The following CMBL variants were observed in gnomAD, a reference collection of about 807,000 sequenced individuals.
CMBL encodes the protein carboxymethylenebutenolidase homolog.
Under a neutral mutation model 28.7 loss-of-function variants are expected in CMBL, and 17 were observed. The observed-to-expected ratio is 0.59, with a 90% CI of 0.41 to 0.89. CMBL has a LOEUF of 0.89. CMBL is among the 40% of genes least tolerant of loss of function. CMBL has a pLI of 0.00. For missense variants in CMBL, 310 were observed against 298.5 expected, an observed-to-expected ratio of 1.04 and a Z score of -0.28; for synonymous variants, 106 against 101.6, an observed-to-expected ratio of 1.04 and a Z score of -0.26.
At chr5:10,286,971 C>CA (rs1412818120) in intron 3 of CMBL, among the ~76,000 whole-genome samples, 5 of 152,190 alleles carry the variant, frequency 3.3e-5, no homozygotes, top group Middle Eastern at 3.2e-3. Flanking sequence ...TCTGACTTCA[C>CA]ACGTTCACTC....
intron 1 of CMBL, among the ~76,000 whole-genome samples, chr5:10,306,113 C>T (rs1215059441): frequency 6.6e-6 from 1 of 152,160 alleles, no homozygotes; most frequent in African/African-American, 2.4e-5. Flanking sequence ...ATCAAACATT[C>T]CCTTTCTAAC....
At chr5:10,299,294 G>T (rs756107789) in intron 1 of CMBL, among the ~76,000 whole-genome samples, 1 of 151,940 alleles carries the variant, frequency 6.6e-6, no homozygotes, top group Non-Finnish European at 1.5e-5. Flanking sequence ...ACACCTGAAT[G>T]GCCCATAAAC....
chr5:10,291,702 T>A (rs960355296), intron 1 of CMBL, among the ~76,000 whole-genome samples: 18 of 151,406 alleles, frequency 1.2e-4, no homozygotes, highest in Non-Finnish European at 2.5e-4. Context: ...AAGAAAGCAA[T>A]CCTCAAATGT....
chr5:10,302,048 G>A (rs774646259), intron 1 of CMBL, among the ~76,000 whole-genome samples: 2 of 152,158 alleles, frequency 1.3e-5, no homozygotes, highest in Non-Finnish European at 2.9e-5. Context: ...CGTGTGTGTC[G>A]AAGGCTGGAC....
At chr5:10,301,546 C>G (rs985917013) in intron 1 of CMBL, among the ~76,000 whole-genome samples, 4 of 151,588 alleles carry the variant, frequency 2.6e-5, no homozygotes, top group African/African-American at 4.8e-5. Context: ...TGCCCCACCC[C>G]TCAGACACAA....
At chr5:10,303,135 A>G (rs1243123885) in intron 1 of CMBL, among the ~76,000 whole-genome samples, 1 of 152,156 alleles carries the variant, frequency 6.6e-6, no homozygotes, top group Non-Finnish European at 1.5e-5. Context: ...CCAAGCACCA[A>G]TCAGAAAACC....
chr5:10,283,222 T>C (rs78157982), intron 4 of CMBL, among the ~76,000 whole-genome samples: 183 of 152,320 alleles, frequency 1.2e-3, no homozygotes, highest in Admixed American at 2.1e-3. Flanking sequence ...CCTCGTCCGC[T>C]GCTTAGTATG....
chr5:10,293,833 A>G (rs374401244), intron 1 of CMBL, among the ~76,000 whole-genome samples: 103 of 152,262 alleles, frequency 6.8e-4, no homozygotes, highest in African/African-American at 2.3e-3. Context: ...GACCTCAGGA[A>G]GCACATTCTA....
chr5:10,294,376 C>T (rs1022959267), intron 1 of CMBL, among the ~76,000 whole-genome samples: 2 of 151,900 alleles, frequency 1.3e-5, no homozygotes, highest in East Asian at 1.9e-4. Flanking sequence ...GCCTGGACAA[C>T]ACAGCAAGAC....
intron 5 of CMBL, among the ~76,000 whole-genome samples, chr5:10,281,477 T>A (rs1461122374): frequency 6.6e-6 from 1 of 152,084 alleles, no homozygotes; most frequent in Non-Finnish European, 1.5e-5. Context: ...CTCAGCCTTC[T>A]GAGTTTCTGG....
At chr5:10,303,576 G>A (rs1213378375) in intron 1 of CMBL, among the ~76,000 whole-genome samples, 2 of 152,116 alleles carry the variant, frequency 1.3e-5, no homozygotes, top group African/African-American at 2.4e-5. Context: ...AATCAAAAGA[G>A]CACAAATGCA....
intron 4 of CMBL, chr5:10,285,993 GA>G (rs995659446): frequency 5.9e-6 from 1 of 169,884 alleles, no homozygotes; most frequent in Non-Finnish European, 1.2e-5. Flanking sequence ...GCCACCACCA[GA>G]AAAATATTTT....
chr5:10,293,333 G>A (rs892203549), intron 1 of CMBL, among the ~76,000 whole-genome samples: 4 of 152,224 alleles, frequency 2.6e-5, no homozygotes, highest in African/African-American at 9.6e-5. Context: ...TCAAGGGACT[G>A]GCAGATGCAA....
Position 10,290,649 on chromosome 5 carries a change from G to A in CMBL, c.114C>T (p.Pro38=), listed in dbSNP as rs146175625. Residue 38 remains proline, a synonymous_variant, in exon 2 of 6, where the codon CCC becomes CCT. Coordinates refer to ENST00000296658, the MANE Select transcript of CMBL (RefSeq NM_138809.4). ...EHIKAYVTKS[P]VDAGKAVIVI... ...CAATCACAGCTTTGCCTGCATCAAC[G>A]GGGGATTTGGTGACATAAGCCTTGA... 3.0e-3 allele frequency: 4,905 copies of A among 1,614,134 alleles called. 16 individuals carry two copies. Among genetic ancestry groups the A allele is most frequent in the Non-Finnish European group, 3.9e-3 (4,596 of 1,180,016 alleles).
At chr5:10,305,867 T>C (rs1746993144) in intron 1 of CMBL, among the ~76,000 whole-genome samples, 1 of 152,112 alleles carries the variant, frequency 6.6e-6, no homozygotes, top group African/African-American at 2.4e-5. Flanking sequence ...CTGTGCCCAA[T>C]CTTACAGTTG....
intron 1 of CMBL, among the ~76,000 whole-genome samples, chr5:10,295,257 T>G (rs112083124): frequency 0.12 from 18,124 of 152,090 alleles, 1,471 homozygotes; most frequent in African/African-American, 0.23. Flanking sequence ...TTAATTTTTG[T>G]ATTTTTAATA....
At chr5:10,304,408 C>A (rs886541392) in intron 1 of CMBL, among the ~76,000 whole-genome samples, 1 of 152,090 alleles carries the variant, frequency 6.6e-6, no homozygotes, top group Non-Finnish European at 1.5e-5. Flanking sequence ...AAATTCATAA[C>A]CCCTCCTATA....
intron 1 of CMBL, among the ~76,000 whole-genome samples, chr5:10,291,120 G>T (rs1746706494): frequency 6.6e-6 from 1 of 152,178 alleles, no homozygotes. Context: ...TGATGCTGGG[G>T]GACAGGACCC....
intron 4 of CMBL, among the ~76,000 whole-genome samples, chr5:10,283,781 G>C (rs1252798962): frequency 6.6e-6 from 1 of 152,110 alleles, no homozygotes; most frequent in Non-Finnish European, 1.5e-5. Context: ...AATAACAATA[G>C]TTTTCATCTT....
Sources: allele counts gnomAD v4.1 joint callset (sites outside exome capture counted in the v4.1 genomes callset), GRCh38; gene constraint gnomAD v4.1.1; transcripts MANE v1.5; gene names NCBI Gene and HGNC (gene_info 2026-07-23, HGNC 2026-07-21).